Variants in PAPSS1 observed in about 807,000 individuals in gnomAD.
PAPSS1 encodes the protein bifunctional 3'-phosphoadenosine 5'-phosphosulfate synthase 1.
A neutral mutation model predicts 72.0 loss-of-function variants in PAPSS1; 50 were observed. The observed-to-expected ratio is 0.69, with a 90% CI of 0.55 to 0.88. The LOEUF (loss-of-function observed/expected upper bound fraction) is 0.88, where lower values mean the gene tolerates loss of function less well. Among genes scored for constraint, PAPSS1 ranks in the 40% least tolerant of loss-of-function variants. The probability of loss-of-function intolerance (pLI) is 0.00; values close to 1 mark genes in which losing one functional copy is unlikely to be tolerated. For synonymous variants in PAPSS1, 261 were observed against 263.6 expected (o/e 0.99, Z 0.09); for missense variants, 657 against 782.2 (o/e 0.84, Z 1.91).
intron 3 of PAPSS1, among the ~76,000 whole-genome samples, chr4:107,687,427 T>C (rs1722815412): frequency 6.6e-6 from 1 of 152,178 alleles, no homozygotes; most frequent in African/African-American, 2.4e-5. Flanking sequence ...ACAATGAATG[T>C]ACCACAAACT....
intron 11 of PAPSS1, among the ~76,000 whole-genome samples, chr4:107,618,980 C>G (rs1725891601): frequency 6.6e-6 from 1 of 152,152 alleles, no homozygotes; most frequent in African/African-American, 2.4e-5. Context: ...AGGAGGTCCA[C>G]TTATTGGCTC....
At chr4:107,686,597 A>G (rs1322671686) in intron 4 of PAPSS1, among the ~76,000 whole-genome samples, 1 of 152,230 alleles carries the variant, frequency 6.6e-6, no homozygotes, top group Non-Finnish European at 1.5e-5. Context: ...CATGAAATGA[A>G]TAAGGGACCA....
intron 5 of PAPSS1, among the ~76,000 whole-genome samples, chr4:107,661,768 G>C (rs542405669): frequency 1.3e-5 from 2 of 152,148 alleles, no homozygotes; most frequent in Non-Finnish European, 2.9e-5. Context: ...CCTCTAGAAA[G>C]AAACTTCAAT....
chr4:107,706,742 T>A lies in PAPSS1; in HGVS notation c.61-5457A>T, dbSNP rs1000953206. Among the ~76,000 whole-genome samples, 3 of 152,222 alleles carry A rather than the reference T, an allele frequency of 2.0e-5. No individual in the cohort carries two copies. In the East Asian group the frequency reaches 5.8e-4, roughly 29 times the overall value. On this transcript the variant is annotated intron_variant, in intron 1 of 11. Coordinates refer to ENST00000265174, the MANE Select transcript of PAPSS1 (RefSeq NM_005443.5). ...ATGAAGAGGTAGGGACTGATTCCAGTCTTTGTAGACTGGCTTTATTTGGGA... is the reference window on the plus strand; with the variant it reads ...ATGAAGAGGTAGGGACTGATTCCAGACTTTGTAGACTGGCTTTATTTGGGA...
intron 6 of PAPSS1, among the ~76,000 whole-genome samples, chr4:107,658,211 A>G (rs1001205604): frequency 2.0e-5 from 3 of 151,890 alleles, no homozygotes; most frequent in Non-Finnish European, 4.4e-5. Flanking sequence ...TGACTCACAA[A>G]AAAAGTGACC....
At chr4:107,675,587 C>T (rs1312717982) in intron 5 of PAPSS1, among the ~76,000 whole-genome samples, 1 of 152,106 alleles carries the variant, frequency 6.6e-6, no homozygotes, top group East Asian at 1.9e-4. Context: ...GGATTCACAG[C>T]CAAATTCTAC....
At chr4:107,620,136 T>C (rs757352704) in intron 11 of PAPSS1, among the ~76,000 whole-genome samples, 1 of 152,230 alleles carries the variant, frequency 6.6e-6, no homozygotes, top group Non-Finnish European at 1.5e-5. Flanking sequence ...AGGTTCATAT[T>C]CGATTAGACC....
At chr4:107,719,845 G>A in intron 1 of PAPSS1, 3 of 1,331,568 alleles carry the variant, frequency 2.3e-6, no homozygotes, top group Non-Finnish European at 2.9e-6. Context: ...GGTCTTACCT[G>A]AGCGGAGGCG....
chr4:107,614,412 T>C, intron 11 of PAPSS1, 25 bp from the exon 12 acceptor site: 1 of 1,576,394 alleles, frequency 6.3e-7, no homozygotes, highest in Non-Finnish European at 8.7e-7. Context: ...AAAAAGAAAA[T>C]TATTTCATAA....
At chr4:107,716,278 T>C (rs955876888) in intron 1 of PAPSS1, among the ~76,000 whole-genome samples, 3 of 152,132 alleles carry the variant, frequency 2.0e-5, no homozygotes, top group African/African-American at 7.2e-5. Flanking sequence ...ACACATTTGT[T>C]AAGGTAAAAT....
At chr4:107,678,670 C>CG (rs1440352160) in intron 5 of PAPSS1, among the ~76,000 whole-genome samples, 1 of 152,016 alleles carries the variant, frequency 6.6e-6, no homozygotes, top group Non-Finnish European at 1.5e-5. Flanking sequence ...AATGGGGGAC[C>CG]GGGGGGTACC....
At chr4:107,707,148 T>G (rs1723358725) in intron 1 of PAPSS1, among the ~76,000 whole-genome samples, 1 of 152,042 alleles carries the variant, frequency 6.6e-6, no homozygotes, top group Non-Finnish European at 1.5e-5. Context: ...GCCTGGAGGG[T>G]GGGGCTACAG....
At chr4:107,656,781 A>G in intron 7 of PAPSS1, 115 bp downstream of exon 7, 3 of 708,718 alleles carry the variant, frequency 4.2e-6, no homozygotes, top group South Asian at 1.7e-5. Flanking sequence ...TTAGTCTTAT[A>G]ATGCTACCTC....
intron 10 of PAPSS1, among the ~76,000 whole-genome samples, chr4:107,634,643 C>T (rs1052707999): frequency 1.3e-5 from 2 of 152,014 alleles, no homozygotes; most frequent in Admixed American, 6.6e-5. Context: ...TAATTTGGTT[C>T]ATAGGGTTCC....
At chr4:107,656,814 T>C in intron 7 of PAPSS1, 82 bp downstream of exon 7, 2 of 988,850 alleles carry the variant, frequency 2.0e-6, no homozygotes, top group Non-Finnish European at 3.2e-6. Flanking sequence ...ACCCTACTAC[T>C]TTTTGTAAAC....
At chr4:107,691,888 T>C (rs947609625) in intron 3 of PAPSS1, among the ~76,000 whole-genome samples, 4 of 152,134 alleles carry the variant, frequency 2.6e-5, no homozygotes, top group African/African-American at 9.7e-5. Flanking sequence ...AAAAATAACA[T>C]ATGCATACCT....
chr4:107,629,526 C>A (rs1726179703), intron 11 of PAPSS1, among the ~76,000 whole-genome samples: 1 of 152,160 alleles, frequency 6.6e-6, no homozygotes, highest in Non-Finnish European at 1.5e-5. Context: ...AAAACCACTA[C>A]ACCCAGATCA....
At chr4:107,652,699 A>G (rs1156284871) in intron 9 of PAPSS1, among the ~76,000 whole-genome samples, 1 of 152,210 alleles carries the variant, frequency 6.6e-6, no homozygotes, top group East Asian at 1.9e-4. Flanking sequence ...GCTGCGATAA[A>G]TGACATTGAT....
chr4:107,625,331 G>T (rs1726062692), intron 11 of PAPSS1, among the ~76,000 whole-genome samples: 1 of 152,140 alleles, frequency 6.6e-6, no homozygotes, highest in Non-Finnish European at 1.5e-5. Context: ...TTATCTGCGT[G>T]GCCCTAAGCT....
Sources: allele counts gnomAD v4.1 joint callset (sites outside exome capture counted in the v4.1 genomes callset), GRCh38; gene constraint gnomAD v4.1.1; transcripts MANE v1.5; gene names NCBI Gene and HGNC (gene_info 2026-07-23, HGNC 2026-07-21).